NRXN3: variants seen among roughly 807,000 people sequenced by gnomAD.
NRXN3 encodes the protein neurexin 3, also known as neurexin III.
In NRXN3, 32 loss-of-function variants were observed where a neutral mutation model predicts 137.6. The ratio of observed to expected loss-of-function variants is 0.23; its 90% CI spans 0.18 to 0.31. NRXN3 has a LOEUF of 0.31. Ranked by LOEUF, NRXN3 falls within the 10% of genes least tolerant of loss-of-function variation. The pLI is 1.00. For synonymous variants in NRXN3, 798 were observed against 784.5 expected, an observed-to-expected ratio of 1.02 and a Z score of -0.29; for missense variants, 1,574 against 2,062.5, an observed-to-expected ratio of 0.76 and a Z score of 4.59.
intron 15 of NRXN3, among the ~76,000 whole-genome samples, chr14:79,071,733 G>T (rs1205517707): frequency 7.2e-5 from 11 of 152,054 alleles, no homozygotes; most frequent in Admixed American, 7.2e-4. Context: ...TAGTTAGAAA[G>T]AATAAATAAG....
At chr14:79,406,264 C>CTCTCCCCTCCTCTCCCCTCT (rs2095309503) in intron 15 of NRXN3, among the ~76,000 whole-genome samples, 1 of 148,338 alleles carries the variant, frequency 6.7e-6, no homozygotes, top group Non-Finnish European at 1.5e-5. Context: ...CCCTCCCATC[C>CTCTCCCCTCCTCTCCCCTCT]TCTCCCCTCC....
chr14:78,365,704 A>G (rs1316982263), intron 4 of NRXN3, among the ~76,000 whole-genome samples: 3 of 152,196 alleles, frequency 2.0e-5, no homozygotes, highest in Non-Finnish European at 1.5e-5. Flanking sequence ...TATGAGGTTG[A>G]AAACTCAAGG....
At chr14:79,805,984 C>T (rs1008580284) in intron 20 of NRXN3, among the ~76,000 whole-genome samples, 7 of 152,152 alleles carry the variant, frequency 4.6e-5, no homozygotes, top group Non-Finnish European at 8.8e-5. Context: ...CAGGCAATTG[C>T]AGTCCCTGAT....
At chr14:79,091,012 G>C (rs756335119) in intron 15 of NRXN3, among the ~76,000 whole-genome samples, 3 of 151,544 alleles carry the variant, frequency 2.0e-5, no homozygotes, top group Non-Finnish European at 4.4e-5. Context: ...TCTGTATTAC[G>C]AGAACTCGTG....
chr14:79,445,775 A>T (rs1460827999), intron 15 of NRXN3, among the ~76,000 whole-genome samples: 1 of 152,198 alleles, frequency 6.6e-6, no homozygotes, highest in Non-Finnish European at 1.5e-5. Context: ...AGCAAAAGGA[A>T]GTATGAGGCC....
chr14:79,294,547 G>A (rs2083723185), intron 15 of NRXN3, among the ~76,000 whole-genome samples: 1 of 152,132 alleles, frequency 6.6e-6, no homozygotes, highest in Admixed American at 6.6e-5. Flanking sequence ...TTAAGCTGAT[G>A]TAATCAAAAC....
At chr14:79,244,656 G>A (rs1487833495) in intron 15 of NRXN3, among the ~76,000 whole-genome samples, 1 of 152,062 alleles carries the variant, frequency 6.6e-6, no homozygotes, top group Admixed American at 6.6e-5. Flanking sequence ...CCTTTCCTTT[G>A]CAGACAACAA....
intron 15 of NRXN3, among the ~76,000 whole-genome samples, chr14:79,080,774 T>C (rs1401579497): frequency 6.6e-6 from 1 of 152,192 alleles, no homozygotes; most frequent in Non-Finnish European, 1.5e-5. Context: ...CAAATGCTTG[T>C]CCTACTTCTC....
chr14:78,347,758 G>A (rs1312999859), intron 4 of NRXN3, among the ~76,000 whole-genome samples: 1 of 152,136 alleles, frequency 6.6e-6, no homozygotes, highest in Non-Finnish European at 1.5e-5. Flanking sequence ...GTCCTTGGTT[G>A]TATTTTGAGA....
chr14:78,889,622 G>T (rs1294793106), intron 10 of NRXN3, among the ~76,000 whole-genome samples: 1 of 151,980 alleles, frequency 6.6e-6, no homozygotes, highest in African/African-American at 2.4e-5. Flanking sequence ...AAGAGTACCT[G>T]ATAAGAGCTG....
At chr14:79,854,029 G>C (rs958683482) in intron 20 of NRXN3, 2 of 984,024 alleles carry the variant, frequency 2.0e-6, no homozygotes, top group East Asian at 1.1e-4. Flanking sequence ...TTGCCTCCCT[G>C]TATCATCCTC....
chr14:79,253,246 A>G (rs2076162532), intron 15 of NRXN3, among the ~76,000 whole-genome samples: 1 of 152,132 alleles, frequency 6.6e-6, no homozygotes, highest in Non-Finnish European at 1.5e-5. Flanking sequence ...CTCTGAAAGG[A>G]TTGCGTTTTG....
At chr14:79,172,306 A>C (rs1363337765) in intron 15 of NRXN3, among the ~76,000 whole-genome samples, 1 of 152,178 alleles carries the variant, frequency 6.6e-6, no homozygotes, top group Admixed American at 6.5e-5. Context: ...AATGGAGAAA[A>C]AAAATTCCTC....
At chr14:78,339,925 A>G (rs2081965751) in intron 4 of NRXN3, among the ~76,000 whole-genome samples, 1 of 152,178 alleles carries the variant, frequency 6.6e-6, no homozygotes, top group South Asian at 2.1e-4. Flanking sequence ...GGGAGACAGA[A>G]AGAGAGATAT....
At chr14:79,226,676 C>G (rs2070923996) in intron 15 of NRXN3, among the ~76,000 whole-genome samples, 1 of 152,154 alleles carries the variant, frequency 6.6e-6, no homozygotes. Flanking sequence ...TCAGGGTAAA[C>G]AGGCATTGCC....
At chr14:79,113,301 A>G (rs1006974242) in intron 15 of NRXN3, among the ~76,000 whole-genome samples, 7 of 152,188 alleles carry the variant, frequency 4.6e-5, no homozygotes, top group Non-Finnish European at 8.8e-5. Flanking sequence ...CAACTCCAGA[A>G]GAAGTATACT....
At chr14:79,532,215 G>T (rs978224028) in intron 16 of NRXN3, among the ~76,000 whole-genome samples, 1 of 152,146 alleles carries the variant, frequency 6.6e-6, no homozygotes, top group East Asian at 1.9e-4. Flanking sequence ...AAATGAACAC[G>T]TGTGTATGTC....
chr14:79,063,550 C>G (rs1351988670), intron 15 of NRXN3, among the ~76,000 whole-genome samples: 1 of 152,164 alleles, frequency 6.6e-6, no homozygotes, highest in Non-Finnish European at 1.5e-5. Context: ...TCCCAAAGTG[C>G]TGTATTTTAC....
Position 79,815,117 on chromosome 14 carries a change from A to C in NRXN3, c.4093+9927A>C, listed in dbSNP as rs17109832. Among the ~76,000 whole-genome samples the C allele has an allele frequency of 7.6e-3, 1,161 of 152,290 alleles. 41 individuals carry two copies. The highest frequency in any genetic ancestry group is 0.054 in the Admixed American group (824 of 15,286). ...GCTTTAGTTCTGAGAATAGAGTCTG[A>C]ATTTGAGACAAACGTAGAAGGAAGT... On this transcript the variant is annotated intron_variant, in intron 20 of 20. Transcript: ENST00000335750.
Sources: allele counts gnomAD v4.1 joint callset (sites outside exome capture counted in the v4.1 genomes callset), GRCh38; gene constraint gnomAD v4.1.1; transcripts MANE v1.5; gene names NCBI Gene and HGNC (gene_info 2026-07-23, HGNC 2026-07-21).